Variants in ABRAXAS1 observed in about 807,000 individuals in gnomAD.
The protein encoded by ABRAXAS1 is BRCA1-A complex subunit Abraxas 1.
Under a neutral mutation model 38.4 loss-of-function variants are expected in ABRAXAS1, and 26 were observed. The ratio of observed to expected loss-of-function variants is 0.68; its 90% CI spans 0.50 to 0.94. The LOEUF is 0.94. Ranked by LOEUF, ABRAXAS1 falls within the 40% of genes least tolerant of loss-of-function variation. ABRAXAS1 has a pLI of 0.00. For synonymous variants in ABRAXAS1, 144 were observed against 165.5 expected (o/e 0.87, Z 1.00); for missense variants, 438 against 481.9 (o/e 0.91, Z 0.85).
chr4:83,482,114 G>A (rs1723017789), intron 2 of ABRAXAS1, 40 bp downstream of exon 2: 4 of 1,241,418 alleles, frequency 3.2e-6, no homozygotes, highest in Non-Finnish European at 1.2e-6. Flanking sequence ...AAATATAGGA[G>A]ACACAGATGA....
chr4:83,461,330 C>G lies in ABRAXAS1; in HGVS notation c.*1139G>C. 4 of 704,604 alleles carry G rather than the reference C, an allele frequency of 5.7e-6. No homozygotes were observed. Among genetic ancestry groups the G allele is most frequent in the Non-Finnish European group, 1.0e-5 (4 of 397,582 alleles). 43.6% of individuals were successfully genotyped at this position (704,604 alleles called of 1,614,324 possible). On this transcript the variant is annotated 3_prime_UTR_variant, in exon 9 of 9. Transcript: ENST00000321945. The stretch of plus-strand genomic sequence containing the variant: ...AAAGAATGACACTTCCCCTTCATAC[C>G]AATGTCCATTAAGCAGATTGCTTAT...
intron 7 of ABRAXAS1, among the ~76,000 whole-genome samples, chr4:83,465,299 CAAAAAAAA>C (rs35072866): frequency 5.7e-5 from 5 of 88,202 alleles, no homozygotes; most frequent in South Asian, 9.1e-4. Context: ...GACTCTGTCT[CAAAAAAAA>C]AAAAAAAAAA....
chr4:83,463,046 C>T (rs1472958729), intron 8 of ABRAXAS1, 144 bp from the exon 9 acceptor site: 3 of 617,442 alleles, frequency 4.9e-6, no homozygotes, highest in African/African-American at 3.7e-5. Context: ...ATTCTGAATT[C>T]TAATTTATAT....
At chr4:83,472,561 AACTATCCATGAAAT>A (rs1390808835) in intron 3 of ABRAXAS1, among the ~76,000 whole-genome samples, 2 of 152,244 alleles carry the variant, frequency 1.3e-5, no homozygotes, top group Admixed American at 6.5e-5. Flanking sequence ...TAAAACAGTA[AACTATCCATGAAAT>A]ACAGGTATTA....
chr4:83,473,736 AACTCC>A (rs1722665765), intron 3 of ABRAXAS1, among the ~76,000 whole-genome samples: 1 of 151,790 alleles, frequency 6.6e-6, no homozygotes, highest in Admixed American at 6.6e-5. Context: ...GCTGGTCTCC[AACTCC>A]CTGAGCTCAA....
At position 83,461,958 on chromosome 4, in the gene ABRAXAS1, T is replaced by C. The variant is rs1241220721; in HGVS notation, c.*511A>G. ...TTTTATCTGGCAACTCTAGCCATAA[T>C]GTACTTCTAAAAAAGTATCACTTAA... On this transcript the variant is annotated 3_prime_UTR_variant, in exon 9 of 9. Coordinates refer to ENST00000321945, the MANE Select transcript of ABRAXAS1 (RefSeq NM_139076.3). The C allele has an allele frequency of 8.7e-6, 2 of 229,602 alleles. No homozygotes were observed. The highest frequency in any genetic ancestry group is 2.2e-5 in the African/African-American group (1 of 45,190). The allele number at this position is 229,602 out of a possible 1,614,324, so 14.2% of individuals were successfully genotyped here. A position where few individuals can be genotyped will look rare whatever the true frequency, so the allele number is the denominator to read the frequency against.
At chr4:83,470,045 C>G (rs751783495) in intron 5 of ABRAXAS1, 158 bp downstream of exon 5, 353 of 511,162 alleles carry the variant, frequency 6.9e-4, no homozygotes, top group Non-Finnish European at 1.0e-3. Context: ...ATTATTTTCC[C>G]ACCTATAAAT....
At position 83,485,020 on chromosome 4, in the gene ABRAXAS1, A is replaced by G; in HGVS notation, c.53T>C (p.Leu18Pro). The G allele has an allele frequency of 6.3e-7, 1 of 1,595,546 alleles. No individual in the cohort carries two copies. The highest frequency in any genetic ancestry group is 1.1e-5 in the South Asian group (1 of 89,100). ...AVLSGFVLGA[L>P]AFQHLNTDSD... ...GTCCGTGTTGAGGTGCTGGAAAGCG[A>G]GTGCGCCGAGCACAAAGCCCGAGAG... is the stretch of plus-strand genomic sequence containing the variant. Residue 18 changes from leucine to proline, a missense_variant, in exon 1 of 9, where the codon CTC becomes CCC. Leu to Pro is a moderately conservative substitution (Grantham distance 98, BLOSUM62 -3). This residue lies in a region of ABRAXAS1 where 60 missense variants were observed against 31.1 expected (regional missense o/e 1.93). Transcript: ENST00000321945.
chr4:83,467,364 A>G, intron 7 of ABRAXAS1, 90 bp downstream of exon 7: 1 of 773,686 alleles, frequency 1.3e-6, no homozygotes, highest in African/African-American at 1.7e-5. Context: ...AAATCTAATC[A>G]AGATGTCAGG....
chr4:83,484,119 C>T (rs1471744242), intron 1 of ABRAXAS1: 30 of 951,976 alleles, frequency 3.2e-5, no homozygotes, highest in African/African-American at 1.1e-4. Context: ...TCACCCGCCT[C>T]GGCTTCCCAA....
chr4:83,478,128 T>C (rs914227880), intron 2 of ABRAXAS1: 6 of 790,756 alleles, frequency 7.6e-6, no homozygotes, highest in Non-Finnish European at 1.3e-5. Context: ...CACTTAATAT[T>C]GTCAGGAATG....
At chr4:83,480,432 GT>G in intron 2 of ABRAXAS1, 2 of 300,946 alleles carry the variant, frequency 6.6e-6, no homozygotes, top group South Asian at 2.6e-5. Flanking sequence ...ACATTTGTGT[GT>G]TTTATGAATA....
chr4:83,481,992 G>A (rs1464101494), intron 2 of ABRAXAS1, among the ~76,000 whole-genome samples, 162 bp downstream of exon 2: 4 of 151,986 alleles, frequency 2.6e-5, no homozygotes, highest in African/African-American at 7.3e-5. Context: ...CAGGTAATCC[G>A]CCTCGGCCTC....
chr4:83,479,683 T>C (rs1722914038), intron 2 of ABRAXAS1: 1 of 152,216 alleles, frequency 6.6e-6, no homozygotes, highest in Non-Finnish European at 1.5e-5. Context: ...GAAAGAATGA[T>C]GGGCCGAGTA....
In ABRAXAS1 at chr4:83,462,644, T is replaced by C; in HGVS notation, c.1055A>G (p.Asp352Gly). 6.2e-7 allele frequency: 1 copy of C among 1,614,140 alleles called. No individual in the cohort carries two copies. The highest frequency in any genetic ancestry group is 8.5e-7 in the Non-Finnish European group (1 of 1,180,010). Residue 352 changes from aspartate to glycine, a missense_variant, in exon 9 of 9, where the codon GAT becomes GGT. Coordinates refer to ENST00000321945, the MANE Select transcript of ABRAXAS1 (RefSeq NM_139076.3). ...AGATCTCTTGAATTGCCATCTGTCATCTAAGTCTAAGGCTTTATGCTTAAT... is the reference window on the plus strand; with the variant it reads ...AGATCTCTTGAATTGCCATCTGTCACCTAAGTCTAAGGCTTTATGCTTAAT... Reference protein sequence around the residue: ...QIIKHKALDLDDRWQFKRSRL... With the variant: ...QIIKHKALDLGDRWQFKRSRL...
chr4:83,462,976 T>A, intron 8 of ABRAXAS1, 74 bp from the exon 9 acceptor site: 1 of 1,012,990 alleles, frequency 9.9e-7, no homozygotes, highest in Non-Finnish European at 1.4e-6. Context: ...TATTTGTAAG[T>A]AAAATTAAGT....
chr4:83,459,823 ATAAATG>A lies in ABRAXAS1; in HGVS notation c.*2640_*2645del. The A allele has an allele frequency of 6.6e-7, 1 of 1,511,950 alleles. No individual in the cohort carries two copies. Among genetic ancestry groups the A allele is most frequent in the Admixed American group, 1.9e-5 (1 of 53,326 alleles). The allele number at this position is 1,511,950 out of a possible 1,614,324, so 93.7% of individuals were successfully genotyped here. On this transcript the variant is annotated 3_prime_UTR_variant, in exon 9 of 9. Transcript: ENST00000321945. ...GTATGTTCTTTTTTATTATGGGAAT[ATAAATG>A]TAGATACGAATTATATCAATCTATT...
chr4:83,477,174 C>T (rs1722807752), intron 2 of ABRAXAS1, among the ~76,000 whole-genome samples: 1 of 152,104 alleles, frequency 6.6e-6, no homozygotes, highest in Admixed American at 6.6e-5. Context: ...TTTAAAATAA[C>T]TGGAGCAAAT....
At chr4:83,472,982 T>A (rs1722636716) in intron 3 of ABRAXAS1, among the ~76,000 whole-genome samples, 1 of 152,218 alleles carries the variant, frequency 6.6e-6, no homozygotes, top group Non-Finnish European at 1.5e-5. Context: ...ACAAAATCCT[T>A]TATAAATAAT....
Sources: gnomAD v4.1 joint callset for allele counts (sites outside exome capture counted in the v4.1 genomes callset) on GRCh38, gnomAD v4.1.1 for gene constraint, gnomAD v4.1.1 regional missense constraint, MANE v1.5 for transcripts, NCBI Gene and HGNC (gene_info 2026-07-23, HGNC 2026-07-21) for gene names.